Variants in STAB1 observed in about 807,000 individuals in gnomAD.
The protein encoded by STAB1 is stabilin-1.
STAB1 carries 250 observed loss-of-function variants against 332.4 expected under a neutral mutation model. The observed-to-expected ratio is 0.75, with a 90% CI of 0.68 to 0.84. The LOEUF (loss-of-function observed/expected upper bound fraction) is 0.84, where lower values mean the gene tolerates loss of function less well. STAB1 is among the 40% of genes least tolerant of loss of function. The pLI is 0.00. For synonymous variants in STAB1, 1,475 were observed against 1,390.4 expected (o/e 1.06, Z -1.35); for missense variants, 3,249 against 3,489.7 (o/e 0.93, Z 1.74).
In STAB1 at chr3:52,517,591, C is replaced by T. The variant is rs138919860; in HGVS notation, c.4605C>T (p.Ile1535=). 4.7e-5 allele frequency: 76 copies of T among 1,612,918 alleles called. No individual in the cohort carries two copies. The African/African-American group carries it at 9.3e-4, about 20-fold the overall frequency. ...GTGAGGGTTACAGCGGGGATGGCAT[C>T]CGGACCTGCGAGCTCCTGGACCCCT... ...SCREGYSGDG[I]RTCELLDPCS... Residue 1535 remains isoleucine (I), a synonymous_variant, in exon 44 of 69, where the codon ATC becomes ATT. Transcript: ENST00000321725.
rs1709307285 is a variant in STAB1 at position 52,511,671 on chromosome 3, G to A, written c.2809G>A (p.Gly937Ser). The A allele has an allele frequency of 6.2e-7, 1 of 1,610,844 alleles. No individual in the cohort carries two copies. Among genetic ancestry groups the A allele is most frequent in the African/African-American group, 1.3e-5 (1 of 74,882 alleles). Residue 937 changes from glycine (G) to serine (S), a missense_variant, in exon 26 of 69, where the codon GGC becomes AGC. Transcript: ENST00000321725. Reference protein sequence around the residue: ...PGQSRCTCKLGFAGDGYQCSP... With the variant: ...PGQSRCTCKLSFAGDGYQCSP... The stretch of plus-strand genomic sequence containing the variant: ...CCAGAGCCGATGCACCTGCAAGCTG[G>A]GCTTTGCCGGGGATGGCTACCAGTG...
chr3:52,522,742 C>T, intron 61 of STAB1, 33 bp from the exon 62 acceptor site: 1 of 1,612,696 alleles, frequency 6.2e-7, no homozygotes, highest in Non-Finnish European at 8.5e-7. Flanking sequence ...TTGACTGGGT[C>T]TTGGGTCTTA....
chr3:52,502,321 A>G (rs924013431), intron 5 of STAB1, 93 bp downstream of exon 5: 3 of 1,380,692 alleles, frequency 2.2e-6, no homozygotes, highest in Non-Finnish European at 3.0e-6. Context: ...CTGTCCCTTC[A>G]GCCTCTGTCC....
rs771900453 is a variant in STAB1, at chr3:52,522,852, C to T, written c.6822C>T (p.Asp2274=). Residue 2274 remains aspartate, a synonymous_variant, in exon 62 of 69, where the codon GAC becomes GAT. Transcript: ENST00000321725. The part of the protein sequence containing the change: ...TAHPVVFPVA[D]CGNGRVGIVS... ...ACCCTGTGGTTTTCCCTGTGGCGGA[C>T]TGTGGCAATGGTCGGGTGGGCATAG... is the stretch of plus-strand genomic sequence containing the variant. 1 of 1,613,320 alleles carries T rather than the reference C, an allele frequency of 6.2e-7. No homozygotes were observed. The highest frequency in any genetic ancestry group is 1.1e-5 in the South Asian group (1 of 91,086).
Position 52,505,308 on chromosome 3 carries a change from C to T in STAB1, c.1519-11C>T. 1 of 1,613,548 alleles carries T rather than the reference C, an allele frequency of 6.2e-7. No homozygotes were observed. On this transcript the variant is annotated splice_polypyrimidine_tract_variant and intron_variant, in intron 13 of 68. Coordinates refer to ENST00000321725, the MANE Select transcript of STAB1 (RefSeq NM_015136.3). ...CTTCCCTGGGGCCCTCACACTCATC[C>T]CTCCTTACAGAGAACTATCGGACAG... is the stretch of plus-strand genomic sequence containing the variant.
At chr3:52,510,661 G>T (rs1361298914) in intron 25 of STAB1, among the ~76,000 whole-genome samples, 154 bp downstream of exon 25, 1 of 152,174 alleles carries the variant, frequency 6.6e-6, no homozygotes, top group Non-Finnish European at 1.5e-5. Flanking sequence ...GTAGCATCTG[G>T]GATTCGCTCC....
rs1469603529 is a variant in STAB1, at chr3:52,520,045, G to C, written c.5337G>C (p.Gln1779His). The C allele has an allele frequency of 6.2e-7, 1 of 1,612,596 alleles. No individual in the cohort carries two copies. The highest frequency in any genetic ancestry group is 8.5e-7 in the Non-Finnish European group (1 of 1,179,912). The change falls in exon 51 of 69, where the codon CAG becomes CAC. Residue 1779 changes from glutamine to histidine, a missense_variant. Physicochemically the swap from Gln to His is conservative, Grantham distance 24. Transcript: ENST00000321725. Reference sequence around the variant, plus strand: ...TTCGAGCTCTGCCTCCGGATCGCCAGGCCTGGCTGTACCATGAGGACCACC... The same window carrying C: ...TTCGAGCTCTGCCTCCGGATCGCCACGCCTGGCTGTACCATGAGGACCACC... ...AAFRALPPDR[Q>H]AWLYHEDHRD...
In STAB1 at chr3:52,524,363, T is replaced by C; in HGVS notation, c.*7T>C. On this transcript the variant is annotated 3_prime_UTR_variant, in exon 69 of 69. Coordinates refer to ENST00000321725, the MANE Select transcript of STAB1 (RefSeq NM_015136.3). Reference sequence around the variant, plus strand: ...GATCCTCACAGTCAAGTGACGAGGCTGGGGCTGAAAGCAGAAGCATGCACA... The same window carrying C: ...GATCCTCACAGTCAAGTGACGAGGCCGGGGCTGAAAGCAGAAGCATGCACA... The C allele has an allele frequency of 6.2e-7, 1 of 1,613,678 alleles. No individual in the cohort carries two copies. Among genetic ancestry groups the C allele is most frequent in the Non-Finnish European group, 8.5e-7 (1 of 1,179,972 alleles).
At position 52,509,992 on chromosome 3, in the gene STAB1, C is replaced by A. The variant is rs1465230030; in HGVS notation, c.2470C>A (p.Pro824Thr). ...FCNESMGDCG[P>T]TGLAQHCHLH... is the part of the protein sequence containing the mutation. ...CAACGAGTCCATGGGGGACTGTGGG[C>A]CCACAGGGCTGGCCCAGCACTGCCA... is the stretch of plus-strand genomic sequence containing the variant. The change falls in exon 23 of 69, where the codon CCC becomes ACC. Residue 824 changes from proline (P) to threonine (T), a missense_variant. By Grantham distance (38) the Pro-to-Thr change is conservative. Coordinates refer to ENST00000321725, the MANE Select transcript of STAB1 (RefSeq NM_015136.3). 6.2e-7 allele frequency: 1 copy of A among 1,609,502 alleles called. No homozygotes were observed. The highest frequency in any genetic ancestry group is 8.5e-7 in the Non-Finnish European group (1 of 1,177,608).
rs1708908681 is a variant in STAB1, at chr3:52,506,805, C to T, written c.1944C>T (p.Pro648=). The part of the protein sequence containing the change: ...DGILLPPTIL[P]ILPKHCSEEQ... Reference sequence around the variant, plus strand: ...TCCTGCTGCCCCCGACCATCCTGCCCATCCTGCCCAAGCACTGCAGCGAGG... The same window carrying T: ...TCCTGCTGCCCCCGACCATCCTGCCTATCCTGCCCAAGCACTGCAGCGAGG... Residue 648 remains proline, a synonymous_variant, in exon 18 of 69, where the codon CCC becomes CCT. Transcript: ENST00000321725. The T allele has an allele frequency of 6.2e-7, 1 of 1,613,118 alleles. No homozygotes were observed. Among genetic ancestry groups the T allele is most frequent in the Non-Finnish European group, 8.5e-7 (1 of 1,179,996 alleles).
intron 19 of STAB1, 79 bp downstream of exon 19, chr3:52,507,754 G>A (rs564052484): frequency 1.9e-6 from 3 of 1,579,572 alleles, no homozygotes; most frequent in Non-Finnish European, 2.6e-6. Context: ...GGGGTGGGTG[G>A]GGGAAGCAGA....
At chr3:52,521,789 G>A in intron 57 of STAB1, 55 bp from the exon 58 acceptor site, 1 of 1,598,026 alleles carries the variant, frequency 6.3e-7, no homozygotes, top group Non-Finnish European at 8.5e-7. Flanking sequence ...GGAACGGGCA[G>A]AGGCCAGGAA....
chr3:52,507,887 C>T (rs1344824272), intron 19 of STAB1, 44 bp from the exon 20 acceptor site: 2 of 1,586,204 alleles, frequency 1.3e-6, no homozygotes, highest in African/African-American at 2.7e-5. Flanking sequence ...AGGGGCTGGC[C>T]CAGAACCCAC....
Position 52,512,645 on chromosome 3 carries a change from T to C in STAB1, c.3027+2T>C. 6.2e-7 allele frequency: 1 copy of C among 1,613,628 alleles called. No individual in the cohort carries two copies. The highest frequency in any genetic ancestry group is 8.5e-7 in the Non-Finnish European group (1 of 1,179,994). On this transcript the variant is annotated splice_donor_variant, in intron 28 of 68. Transcript: ENST00000321725. LOFTEE classifies it high-confidence loss of function. ...TCCATCTTCTACCAATGGCTTAAGG[T>C]AGGACAGGGCAGAATGCTGGGGTTG...
rs141937769 is a variant in STAB1, at chr3:52,522,354, G to T, written c.6490G>T (p.Ala2164Ser). Reference protein sequence around the residue: ...GLNTRRCECHAGYVGDGLQCL... With the variant: ...GLNTRRCECHSGYVGDGLQCL... ...GAACACACGGCGCTGTGAGTGCCAC[G>T]CAGGCTACGTAGGCGATGGACTGCA... Residue 2164 changes from alanine (A) to serine (S), a missense_variant, in exon 60 of 69, where the codon GCA (alanine) becomes TCA (serine). By Grantham distance (99) the Ala-to-Ser change is moderately conservative (BLOSUM62 1). Transcript: ENST00000321725. The T allele has an allele frequency of 4.3e-6, 7 of 1,612,860 alleles. No homozygotes were observed. The highest frequency in any genetic ancestry group is 5.9e-6 in the Non-Finnish European group (7 of 1,180,024).
chr3:52,518,556 C>T lies in STAB1; in HGVS notation c.4830C>T (p.Gly1610=), dbSNP rs140237271. ...CGCAGGAATATAAGGAGCTCAAGGG[C>T]GATGGGCCTTTCACCATCTTCGTGC... ...LRLLEYKELK[G]DGPFTIFVPH... Residue 1610 remains glycine, a synonymous_variant, in exon 47 of 69, where the codon GGC becomes GGT. Coordinates refer to ENST00000321725, the MANE Select transcript of STAB1 (RefSeq NM_015136.3). The T allele has an allele frequency of 8.2e-6, 13 of 1,594,290 alleles. No homozygotes were observed. In the African/African-American group the frequency reaches 1.3e-4, roughly 16 times the overall value.
rs1324489343 is a variant in STAB1, at chr3:52,514,715, T to C, written c.3693T>C (p.His1231=). 1.9e-6 allele frequency: 3 copies of C among 1,613,048 alleles called. No homozygotes were observed. The highest frequency in any genetic ancestry group is 1.6e-4 in the Middle Eastern group (1 of 6,062). Residue 1231 remains histidine (H), a synonymous_variant, in exon 35 of 69, where the codon CAT becomes CAC. Transcript: ENST00000321725. The part of the protein sequence containing the change: ...YNHSGQPEVN[H]VPLEGPMLEA... Reference sequence around the variant, plus strand: ...CCTCTCCCCAGCCTGAGGTGAACCATGTGCCACTGGAAGGCCCCATGCTGG... The same window carrying C: ...CCTCTCCCCAGCCTGAGGTGAACCACGTGCCACTGGAAGGCCCCATGCTGG...
At position 52,514,221 on chromosome 3, in the gene STAB1, C is replaced by T. The variant is rs571613880; in HGVS notation, c.3546+8C>T. On this transcript the variant is annotated splice_region_variant and intron_variant, in intron 33 of 68. Transcript: ENST00000321725. Reference sequence around the variant, plus strand: ...GGCAACAGCAGTCACCTGGTGAGGCCGTGGGGATGGGGCAATGGCAGGGAG... The same window carrying T: ...GGCAACAGCAGTCACCTGGTGAGGCTGTGGGGATGGGGCAATGGCAGGGAG... 4.3e-6 allele frequency: 7 copies of T among 1,612,776 alleles called. No individual in the cohort carries two copies. The highest frequency in any genetic ancestry group is 3.3e-5 in the Admixed American group (2 of 60,002).
At position 52,517,107 on chromosome 3, in the gene STAB1, A is replaced by G. The variant is rs186144089; in HGVS notation, c.4487A>G (p.Gln1496Arg). The G allele has an allele frequency of 1.2e-5, 18 of 1,548,572 alleles. No individual in the cohort carries two copies. The Admixed American group carries it at 1.2e-4, about 10-fold the overall frequency. Reference protein sequence around the residue: ...DGYMGDGELCQEINSCLIHHG... With the variant: ...DGYMGDGELCREINSCLIHHG... ...TACATGGGCGACGGGGAGCTGTGCC[A>G]GGGTGAGACTAGGCCCCTAACCTGG... is the stretch of plus-strand genomic sequence containing the variant. Residue 1496 changes from glutamine to arginine, a missense_variant and splice_region_variant, in exon 42 of 69, where the codon CAG (glutamine) becomes CGG (arginine). By Grantham distance (43) the Gln-to-Arg change is conservative (BLOSUM62 1). Transcript: ENST00000321725.
Sources: gnomAD v4.1 joint callset for allele counts (sites outside exome capture counted in the v4.1 genomes callset) on GRCh38, gnomAD v4.1.1 for gene constraint, MANE v1.5 for transcripts, NCBI Gene and HGNC (gene_info 2026-07-23, HGNC 2026-07-21) for gene names.